The following NUP98 variants were observed in gnomAD, a reference collection of about 807,000 sequenced individuals.
The protein encoded by NUP98 is nuclear pore complex protein Nup98-Nup96.
In NUP98, 26 loss-of-function variants were observed where a neutral mutation model predicts 191.9. That is an observed-to-expected ratio of 0.14 (90% CI 0.10 to 0.19). The LOEUF (loss-of-function observed/expected upper bound fraction) is 0.19. Among genes scored for constraint, NUP98 ranks in the 10% least tolerant of loss-of-function variants. NUP98 has a pLI of 1.00. For missense variants in NUP98, 1,941 were observed against 2,178.8 expected, an observed-to-expected ratio of 0.89 and a Z score of 2.17; for synonymous variants, 808 against 778.4, an observed-to-expected ratio of 1.04 and a Z score of -0.63.
chr11:3,733,838 A>G (rs2079938444), intron 13 of NUP98, among the ~76,000 whole-genome samples: 1 of 152,166 alleles, frequency 6.6e-6, no homozygotes, highest in Non-Finnish European at 1.5e-5. Flanking sequence ...CAACCTTAAT[A>G]AATTCTTGTT....
At chr11:3,705,140 G>GT in intron 22 of NUP98, 60 bp downstream of exon 22, 1 of 1,542,186 alleles carries the variant, frequency 6.5e-7, no homozygotes, top group Non-Finnish European at 8.9e-7. Flanking sequence ...GAAGAAAAGT[G>GT]AAAAGCAGGA....
chr11:3,775,145 G>A (rs781284840), intron 5 of NUP98, among the ~76,000 whole-genome samples: 3 of 152,128 alleles, frequency 2.0e-5, no homozygotes, highest in Non-Finnish European at 2.9e-5. Context: ...GCCCCATTTA[G>A]CCATTTCATC....
chr11:3,773,035 A>C (rs889653147), intron 6 of NUP98, among the ~76,000 whole-genome samples: 2 of 152,174 alleles, frequency 1.3e-5, no homozygotes, highest in Non-Finnish European at 2.9e-5. Context: ...TGTACTTTGC[A>C]TAATTTTACT....
intron 23 of NUP98, 119 bp from the exon 24 acceptor site, chr11:3,700,958 G>A: frequency 1.4e-6 from 1 of 720,746 alleles, no homozygotes; most frequent in Non-Finnish European, 2.3e-6. Flanking sequence ...ACATTTCACT[G>A]TAGTTTTAAA....
rs762434036 is a variant in NUP98, at chr11:3,705,376, A to G, written c.2926-20T>C. 1.9e-6 allele frequency: 3 copies of G among 1,610,232 alleles called. No homozygotes were observed. Among genetic ancestry groups the G allele is most frequent in the Non-Finnish European group, 2.5e-6 (3 of 1,177,698 alleles). Reference sequence around the variant, plus strand: ...CATGATCTAAAAAGGCAATATCTATAGAATGAATGTGCTTCCCAGAATCAA... The same window carrying G: ...CATGATCTAAAAAGGCAATATCTATGGAATGAATGTGCTTCCCAGAATCAA... On this transcript the variant is annotated intron_variant, in intron 21 of 32. Coordinates refer to ENST00000324932, the MANE Select transcript of NUP98 (RefSeq NM_016320.5).
intron 1 of NUP98, among the ~76,000 whole-genome samples, chr11:3,783,772 G>A (rs987400582): frequency 3.9e-5 from 6 of 151,938 alleles, no homozygotes; most frequent in South Asian, 2.1e-4. Flanking sequence ...CTATGCACCC[G>A]GTCATTTAAG....
chr11:3,730,234 AAAAT>A (rs1331577642), intron 14 of NUP98, among the ~76,000 whole-genome samples: 6 of 152,174 alleles, frequency 3.9e-5, no homozygotes, highest in Non-Finnish European at 5.9e-5. Flanking sequence ...CTGTATCAAA[AAAAT>A]AAATAAATAA....
At chr11:3,795,865 T>C (rs2082518962) in intron 1 of NUP98, among the ~76,000 whole-genome samples, 1 of 152,250 alleles carries the variant, frequency 6.6e-6, no homozygotes, top group African/African-American at 2.4e-5. Flanking sequence ...TCTTCTGCAC[T>C]ACTAGTTCTG....
chr11:3,702,277 T>G (rs1388745640), intron 23 of NUP98, among the ~76,000 whole-genome samples, 186 bp downstream of exon 23: 1 of 86,518 alleles, frequency 1.2e-5, no homozygotes, highest in African/African-American at 5.0e-5. Flanking sequence ...AGAGCAAAAC[T>G]GAGACACACA....
rs774922744 is a variant in NUP98, at chr11:3,735,281, G to A, written c.1452C>T (p.Leu484=). ...ATGTTAGACTATTGATGTGCTGCTG[G>A]AGAACAGCCTGCTGGGCAGCAGAAG... ...PNASAAQQAV[L]QQHINSLTYS... Residue 484 remains leucine (L), a synonymous_variant, in exon 13 of 33, where the codon CTC becomes CTT. Transcript: ENST00000324932. 2.7e-5 allele frequency: 43 copies of A among 1,582,358 alleles called. No homozygotes were observed. Among genetic ancestry groups the A allele is most frequent in the Middle Eastern group, 1.7e-4 (1 of 5,772 alleles).
chr11:3,744,180 A>G (rs1448705715), intron 12 of NUP98, among the ~76,000 whole-genome samples: 1 of 152,260 alleles, frequency 6.6e-6, no homozygotes, highest in African/African-American at 2.4e-5. Flanking sequence ...CATGAGCTAA[A>G]TTCTCATCTA....
chr11:3,723,124 A>T, intron 16 of NUP98, 33 bp downstream of exon 16: 2 of 1,593,456 alleles, frequency 1.3e-6, no homozygotes, highest in Non-Finnish European at 1.7e-6. Context: ...AATGACTGGT[A>T]AGAGATTAAA....
rs180714332 is a variant in NUP98, at chr11:3,730,068, C to T, written c.1730+1323G>A. 2.5e-3 allele frequency among the ~76,000 whole-genome samples: 373 copies of T among 151,926 alleles called. 3 individuals are homozygous for T. Among genetic ancestry groups the T allele is most frequent in the Non-Finnish European group, 4.3e-3 (295 of 67,944 alleles). ...ACCAGCCTGGCCAACATGGCGAAAC[C>T]CCATCTCTACACAAAAATTAGCCAG... On this transcript the variant is annotated intron_variant, in intron 14 of 32. Transcript: ENST00000324932.
At chr11:3,759,183 C>T (rs1348927905) in intron 10 of NUP98, among the ~76,000 whole-genome samples, 5 of 152,186 alleles carry the variant, frequency 3.3e-5, no homozygotes, top group African/African-American at 4.8e-5. Flanking sequence ...ATGTATCTGG[C>T]ACACAAAATC....
At chr11:3,749,470 A>G (rs1048597077) in intron 11 of NUP98, among the ~76,000 whole-genome samples, 37 of 152,172 alleles carry the variant, frequency 2.4e-4, no homozygotes, top group Non-Finnish European at 5.0e-4. Flanking sequence ...AACTAAAAAA[A>G]TACAGTTAGC....
At chr11:3,777,981 G>A (rs955373778) in intron 4 of NUP98, among the ~76,000 whole-genome samples, 13 of 151,918 alleles carry the variant, frequency 8.6e-5, no homozygotes, top group East Asian at 3.9e-4. Flanking sequence ...GATGGAACAC[G>A]AGGTCAGGAG....
In NUP98 at chr11:3,693,393, A is replaced by C; in HGVS notation, c.4168-18T>G. ...TGCCACACCTGTGCGAAACAAAATC[A>C]TCACCATGGCTATATTCTACCTTGT... On this transcript the variant is annotated intron_variant, in intron 26 of 32. Transcript: ENST00000324932. 6.2e-7 allele frequency: 1 copy of C among 1,613,644 alleles called. No individual in the cohort carries two copies. Among genetic ancestry groups the C allele is most frequent in the Non-Finnish European group, 8.5e-7 (1 of 1,179,632 alleles).
chr11:3,699,545 A>C (rs1020539018), intron 24 of NUP98, among the ~76,000 whole-genome samples, 197 bp from the exon 25 acceptor site: 3 of 152,202 alleles, frequency 2.0e-5, no homozygotes, highest in Non-Finnish European at 4.4e-5. Flanking sequence ...AGTATAAATA[A>C]ATGCTTGCTC....
chr11:3,727,601 G>A (rs276902), intron 14 of NUP98, among the ~76,000 whole-genome samples: 30,060 of 151,924 alleles, frequency 0.2, 3,166 homozygotes, highest in East Asian at 0.26. Flanking sequence ...GGTGGGTTTC[G>A]CTGTAATTTC....
Sources: gnomAD v4.1 joint callset for allele counts (sites outside exome capture counted in the v4.1 genomes callset) on GRCh38, gnomAD v4.1.1 for gene constraint, MANE v1.5 for transcripts, NCBI Gene and HGNC (gene_info 2026-07-23, HGNC 2026-07-21) for gene names.